BRAF: variants seen among roughly 807,000 people sequenced by gnomAD.
The protein encoded by BRAF is serine/threonine-protein kinase B-raf.
BRAF carries 16 observed loss-of-function variants against 104.6 expected under a neutral mutation model. That is an observed-to-expected ratio of 0.15 (90% CI 0.10 to 0.23). The LOEUF (loss-of-function observed/expected upper bound fraction) is 0.23, where lower values mean the gene tolerates loss of function less well. Ranked by LOEUF, BRAF falls within the 10% of genes least tolerant of loss-of-function variation. The pLI, the probability that BRAF is intolerant of heterozygous loss-of-function variation, is 1.00. For missense variants in BRAF, 541 were observed against 937.3 expected, an observed-to-expected ratio of 0.58 and a Z score of 5.52; for synonymous variants, 310 against 341.6, an observed-to-expected ratio of 0.91 and a Z score of 1.02.
intron 17 of BRAF, among the ~76,000 whole-genome samples, chr7:140,744,270 C>A (rs1797172505): frequency 6.6e-6 from 1 of 152,258 alleles, no homozygotes; most frequent in Admixed American, 6.5e-5. Flanking sequence ...AAACTCTAGA[C>A]TCCAAGGCTC....
chr7:140,906,640 T>A (rs1301478729), intron 1 of BRAF, among the ~76,000 whole-genome samples: 3 of 152,208 alleles, frequency 2.0e-5, no homozygotes, highest in South Asian at 2.1e-4. Context: ...GTATACTTCA[T>A]AATTTCCTTT....
At chr7:140,853,292 G>C (rs1451191108) in intron 1 of BRAF, among the ~76,000 whole-genome samples, 1 of 151,850 alleles carries the variant, frequency 6.6e-6, no homozygotes, top group Non-Finnish European at 1.5e-5. Context: ...TGGGAGGATT[G>C]CTTGAGCCTG....
intron 8 of BRAF, among the ~76,000 whole-genome samples, chr7:140,792,788 C>G (rs1054948546): frequency 6.6e-6 from 1 of 152,178 alleles, no homozygotes; most frequent in African/African-American, 2.4e-5. Context: ...GCATAGCCCA[C>G]AGTTATTAGT....
chr7:140,831,282 T>C (rs1806713047), intron 3 of BRAF, among the ~76,000 whole-genome samples: 1 of 152,196 alleles, frequency 6.6e-6, no homozygotes, highest in African/African-American at 2.4e-5. Flanking sequence ...CAGTTTGTTT[T>C]CCAAACAGAT....
chr7:140,906,087 C>CAAAAAAAAA (rs61150735), intron 1 of BRAF, among the ~76,000 whole-genome samples: 494 of 44,670 alleles, frequency 0.011, 61 homozygotes, highest in African/African-American at 0.044. Flanking sequence ...GACTCCGTCT[C>CAAAAAAAAA]AAAAAAAAAA....
chr7:140,838,208 C>T (rs2535946), intron 2 of BRAF, among the ~76,000 whole-genome samples: 45,262 of 152,168 alleles, frequency 0.3, 10,783 homozygotes, highest in African/African-American at 0.66. Flanking sequence ...CTCTCTTTGT[C>T]AAAATCCAGA....
chr7:140,908,989 C>CTTTTT (rs1224922004), intron 1 of BRAF, among the ~76,000 whole-genome samples: 4 of 120,182 alleles, frequency 3.3e-5, no homozygotes, highest in African/African-American at 1.1e-4. Context: ...TCTACGTTTT[C>CTTTTT]TTTTTTTTTT....
At chr7:140,874,207 T>TA (rs1247723701) in intron 1 of BRAF, among the ~76,000 whole-genome samples, 1 of 148,976 alleles carries the variant, frequency 6.7e-6, no homozygotes, top group Non-Finnish European at 1.5e-5. Context: ...TTACATACTT[T>TA]TTTTTTTTTT....
rs187860879 is a variant in BRAF at position 140,771,385 on chromosome 7, G to A, written c.1814+5527C>T. ...TAATTTTTGTATTTTTTGTAGAGACGGGGTTTTGCCGTTGCCCAGGCTGGT... is the reference window on the plus strand; with the variant it reads ...TAATTTTTGTATTTTTTGTAGAGACAGGGTTTTGCCGTTGCCCAGGCTGGT... On this transcript the variant is annotated intron_variant, in intron 14 of 19. Coordinates refer to ENST00000644969, the MANE Select transcript of BRAF (RefSeq NM_001374258.1). Among the ~76,000 whole-genome samples the A allele has an allele frequency of 8.7e-4, 124 of 142,088 alleles. 1 individual carries two copies. Among genetic ancestry groups the A allele is most frequent in the Middle Eastern group, 3.5e-3 (1 of 288 alleles). The allele number at this position is 142,088 out of a possible 152,430, so 93.2% of individuals were successfully genotyped here. A position where few individuals can be genotyped will look rare whatever the true frequency, so the allele number is the denominator to read the frequency against.
At chr7:140,855,743 C>T (rs775619502) in intron 1 of BRAF, among the ~76,000 whole-genome samples, 10 of 151,744 alleles carry the variant, frequency 6.6e-5, no homozygotes, top group Non-Finnish European at 1.0e-4. Flanking sequence ...AAATAGGCCA[C>T]GTACAATGGC....
At chr7:140,795,316 C>T (rs1802392083) in intron 7 of BRAF, among the ~76,000 whole-genome samples, 1 of 152,136 alleles carries the variant, frequency 6.6e-6, no homozygotes, top group African/African-American at 2.4e-5. Flanking sequence ...TGTAGCCCCT[C>T]AGAAAGGGTA....
intron 16 of BRAF, among the ~76,000 whole-genome samples, chr7:140,749,815 A>G (rs1471032788): frequency 6.6e-6 from 1 of 152,204 alleles, no homozygotes; most frequent in African/African-American, 2.4e-5. Context: ...CAGCACAACT[A>G]CTGTAGTAAC....
At chr7:140,728,297 G>A (rs1006042589) in intron 19 of BRAF, among the ~76,000 whole-genome samples, 2 of 152,140 alleles carry the variant, frequency 1.3e-5, no homozygotes, top group South Asian at 2.1e-4. Flanking sequence ...AAATTGCAGA[G>A]AAGGAATGCA....
intron 17 of BRAF, chr7:140,740,567 A>G (rs1306318588): frequency 6.6e-6 from 1 of 152,212 alleles, no homozygotes. Context: ...TAATTTCCTA[A>G]TATTTTGCCT....
intron 7 of BRAF, among the ~76,000 whole-genome samples, chr7:140,794,911 G>A (rs1802353008): frequency 6.6e-6 from 1 of 152,170 alleles, no homozygotes; most frequent in African/African-American, 2.4e-5. Context: ...GAATACAAAT[G>A]CATATTTCAG....
At chr7:140,865,104 G>C (rs984004631) in intron 1 of BRAF, among the ~76,000 whole-genome samples, 2 of 148,982 alleles carry the variant, frequency 1.3e-5, no homozygotes, top group Non-Finnish European at 3.0e-5. Context: ...TTCTGAGACA[G>C]AGTCTCATTC....
chr7:140,844,723 C>T (rs766761480), intron 2 of BRAF, among the ~76,000 whole-genome samples: 6 of 152,074 alleles, frequency 3.9e-5, no homozygotes, highest in Non-Finnish European at 5.9e-5. Flanking sequence ...GTCAGGAGTT[C>T]GAGATTGGCC....
At chr7:140,809,056 A>G in intron 3 of BRAF, 61 bp from the exon 4 acceptor site, 1 of 1,371,014 alleles carries the variant, frequency 7.3e-7, no homozygotes, top group Non-Finnish European at 1.0e-6. Flanking sequence ...TTTTCATATC[A>G]TTAAAAAAAT....
chr7:140,875,632 C>T (rs1438615992), intron 1 of BRAF, among the ~76,000 whole-genome samples: 1 of 152,204 alleles, frequency 6.6e-6, no homozygotes, highest in East Asian at 1.9e-4. Context: ...CCCGCCTCGG[C>T]CTTCCAAAGT....
Sources: allele counts gnomAD v4.1 joint callset (sites outside exome capture counted in the v4.1 genomes callset), GRCh38; gene constraint gnomAD v4.1.1; transcripts MANE v1.5; gene names NCBI Gene and HGNC (gene_info 2026-07-23, HGNC 2026-07-21).